BCL2: variants seen among roughly 807,000 people sequenced by gnomAD.
The protein encoded by BCL2 is BCL2 apoptosis regulator, also known as apoptosis regulator Bcl-2.
Under a neutral mutation model 14.2 loss-of-function variants are expected in BCL2, and 1 was observed. The ratio of observed to expected loss-of-function variants is 0.07; its 90% confidence interval spans 0.02 to 0.33. BCL2 has a LOEUF of 0.33. Among genes scored for constraint, BCL2 ranks in the 10% least tolerant of loss-of-function variants. The probability of loss-of-function intolerance (pLI) is 0.99; values close to 1 mark genes in which losing one functional copy is unlikely to be tolerated. For synonymous variants in BCL2, 151 were observed against 137.2 expected (o/e 1.10, Z -0.70); for missense variants, 247 against 305.9 (o/e 0.81, Z 1.44).
chr18:63,254,173 C>T (rs1911399924), intron 2 of BCL2, among the ~76,000 whole-genome samples: 1 of 151,962 alleles, frequency 6.6e-6, no homozygotes, highest in African/African-American at 2.4e-5. Flanking sequence ...TAAAGAGATG[C>T]CTGGTGGCTT....
At chr18:63,244,566 A>AT (rs542698880) in intron 2 of BCL2, among the ~76,000 whole-genome samples, 74 of 152,262 alleles carry the variant, frequency 4.9e-4, no homozygotes, top group African/African-American at 1.6e-3. Flanking sequence ...TTAAAAAAAA[A>AT]GATTTCCAGA....
At chr18:63,267,414 G>C (rs1911863838) in intron 2 of BCL2, among the ~76,000 whole-genome samples, 1 of 152,184 alleles carries the variant, frequency 6.6e-6, no homozygotes, top group Non-Finnish European at 1.5e-5. Flanking sequence ...AGACACAAAG[G>C]AGGTGCAGTC....
intron 2 of BCL2, among the ~76,000 whole-genome samples, chr18:63,215,338 A>G (rs1910170281): frequency 6.6e-6 from 1 of 152,228 alleles, no homozygotes; most frequent in Non-Finnish European, 1.5e-5. Flanking sequence ...AAGCACAGAA[A>G]TGTTTATTAC....
intron 2 of BCL2, among the ~76,000 whole-genome samples, chr18:63,180,805 C>T (rs977434485): frequency 5.3e-5 from 8 of 152,182 alleles, no homozygotes; most frequent in African/African-American, 7.2e-5. Context: ...AGGGCTCCTA[C>T]GGTAGCTGCT....
chr18:63,238,751 C>T (rs544700155), intron 2 of BCL2, among the ~76,000 whole-genome samples: 14 of 152,284 alleles, frequency 9.2e-5, no homozygotes, highest in African/African-American at 3.1e-4. Context: ...TCAGTAAATG[C>T]CTTGAAATGT....
intron 2 of BCL2, among the ~76,000 whole-genome samples, chr18:63,248,737 C>T (rs1455735773): frequency 6.6e-6 from 1 of 152,228 alleles, no homozygotes; most frequent in Admixed American, 6.5e-5. Context: ...GGCATCCCTG[C>T]TATTAGCCAT....
chr18:63,135,708 C>G (rs1254455630), intron 2 of BCL2, among the ~76,000 whole-genome samples: 1 of 152,162 alleles, frequency 6.6e-6, no homozygotes, highest in African/African-American at 2.4e-5. Context: ...ATTGTCCCTG[C>G]TCTCAATTAC....
chr18:63,306,312 G>A (rs538489099), intron 2 of BCL2, among the ~76,000 whole-genome samples: 1 of 152,258 alleles, frequency 6.6e-6, no homozygotes, highest in South Asian at 2.1e-4. Flanking sequence ...ATTCCTCTAG[G>A]TCAGGCACTT....
intron 2 of BCL2, among the ~76,000 whole-genome samples, chr18:63,147,659 C>T (rs763282212): frequency 2.0e-5 from 3 of 152,126 alleles, no homozygotes; most frequent in Non-Finnish European, 2.9e-5. Flanking sequence ...AGAGATACTC[C>T]GACAGCTCAA....
chr18:63,153,167 T>C (rs980947792), intron 2 of BCL2, among the ~76,000 whole-genome samples: 4 of 152,210 alleles, frequency 2.6e-5, no homozygotes, highest in African/African-American at 9.6e-5. Context: ...TTATCAGTTC[T>C]CCTCTCGTTC....
intron 2 of BCL2, among the ~76,000 whole-genome samples, chr18:63,237,825 C>A (rs939917633): frequency 3.3e-5 from 5 of 152,144 alleles, no homozygotes; most frequent in Non-Finnish European, 5.9e-5. Context: ...TTGCTAACAA[C>A]CCATTGTAAA....
At chr18:63,236,497 A>G (rs1910833125) in intron 2 of BCL2, among the ~76,000 whole-genome samples, 1 of 152,218 alleles carries the variant, frequency 6.6e-6, no homozygotes, top group Admixed American at 6.5e-5. Flanking sequence ...AATTTACTTA[A>G]TACAGGGAAC....
intron 2 of BCL2, among the ~76,000 whole-genome samples, chr18:63,159,850 G>A (rs1914874800): frequency 6.6e-6 from 1 of 152,196 alleles, no homozygotes; most frequent in Non-Finnish European, 1.5e-5. Context: ...CCCGCACAGT[G>A]GGGACTGCCC....
intron 2 of BCL2, among the ~76,000 whole-genome samples, chr18:63,132,123 G>A (rs1490730801): frequency 6.6e-6 from 1 of 152,246 alleles, no homozygotes; most frequent in East Asian, 1.9e-4. Context: ...CCAGGGGGCT[G>A]AGAAGGGCAT....
chr18:63,198,537 GAC>G (rs1276202888), intron 2 of BCL2, among the ~76,000 whole-genome samples: 9 of 88,056 alleles, frequency 1.0e-4, no homozygotes, highest in Admixed American at 5.1e-4. Context: ...GACACACATT[GAC>G]ACACAGACAC....
chr18:63,257,017 T>G (rs952236139), intron 2 of BCL2, among the ~76,000 whole-genome samples: 1 of 152,268 alleles, frequency 6.6e-6, no homozygotes, highest in Non-Finnish European at 1.5e-5. Flanking sequence ...TTGTGTAACT[T>G]ATTCCAAGGT....
intron 2 of BCL2, among the ~76,000 whole-genome samples, chr18:63,231,821 T>C (rs1479308493): frequency 6.6e-6 from 1 of 152,104 alleles, no homozygotes; most frequent in Non-Finnish European, 1.5e-5. Context: ...AAGGTTTTCT[T>C]CATGGATATT....
At chr18:63,214,357 G>A (rs888158925) in intron 2 of BCL2, among the ~76,000 whole-genome samples, 1 of 152,200 alleles carries the variant, frequency 6.6e-6, no homozygotes, top group Non-Finnish European at 1.5e-5. Context: ...AAGATGGCCT[G>A]GAAGGCCTAA....
intron 2 of BCL2, among the ~76,000 whole-genome samples, chr18:63,297,231 G>T (rs755431802): frequency 1.3e-5 from 2 of 151,882 alleles, no homozygotes; most frequent in African/African-American, 2.4e-5. Context: ...AAGAAAGAAA[G>T]AAATATAATG....
Sources: allele counts gnomAD v4.1 joint callset (sites outside exome capture counted in the v4.1 genomes callset), GRCh38; gene constraint gnomAD v4.1.1; transcripts MANE v1.5; gene names NCBI Gene and HGNC (gene_info 2026-07-23, HGNC 2026-07-21).